ZMYND8: variants seen among roughly 807,000 people sequenced by gnomAD.
ZMYND8 encodes zinc finger MYND-type containing 8.
Under a neutral mutation model 140.8 loss-of-function variants are expected in ZMYND8, and 37 were observed. The ratio of observed to expected loss-of-function variants is 0.26; its 90% CI spans 0.20 to 0.35. The LOEUF (loss-of-function observed/expected upper bound fraction) is 0.35. ZMYND8 is among the 10% of genes least tolerant of loss of function. The pLI is 1.00. For missense variants in ZMYND8, 1,068 were observed against 1,570.0 expected, an observed-to-expected ratio of 0.68 and a Z score of 5.40; for synonymous variants, 592 against 597.1, an observed-to-expected ratio of 0.99 and a Z score of 0.12.
In ZMYND8 at chr20:47,321,362, G is replaced by C. The variant is rs144301745; in HGVS notation, c.86-11158C>G. ...TCTGGCAATGTCTGGGGACATTTTTGGTTGTCACAACTGGGCAGGAAAAGG... is the reference window on the plus strand; with the variant it reads ...TCTGGCAATGTCTGGGGACATTTTTCGTTGTCACAACTGGGCAGGAAAAGG... On this transcript the variant is annotated intron_variant, in intron 2 of 22. Transcript: ENST00000471951. Among the ~76,000 whole-genome samples, 825 of 152,276 alleles carry C rather than the reference G, an allele frequency of 5.4e-3. 19 individuals carry two copies. Among genetic ancestry groups the C allele is most frequent in the Admixed American group, 0.049 (746 of 15,292 alleles).
chr20:47,317,392 C>T (rs1015579628), intron 2 of ZMYND8, among the ~76,000 whole-genome samples: 6 of 152,064 alleles, frequency 3.9e-5, no homozygotes, highest in South Asian at 2.1e-4. Context: ...ATCAGGTACC[C>T]GCCCTCCACC....
intron 19 of ZMYND8, among the ~76,000 whole-genome samples, chr20:47,223,050 A>G (rs2037211996): frequency 6.6e-6 from 1 of 152,182 alleles, no homozygotes; most frequent in Non-Finnish European, 1.5e-5. Context: ...AGCTTCTCAC[A>G]CTTGAGTCAT....
At chr20:47,212,568 GAC>G in intron 22 of ZMYND8, 72 bp downstream of exon 22, 16 of 1,511,826 alleles carry the variant, frequency 1.1e-5, no homozygotes, top group Non-Finnish European at 1.5e-5. Context: ...CACATACACG[GAC>G]ACACACAGAA....
chr20:47,334,921 A>G (rs1434311911), intron 2 of ZMYND8, among the ~76,000 whole-genome samples: 4 of 151,514 alleles, frequency 2.6e-5, no homozygotes, highest in Non-Finnish European at 5.9e-5. Flanking sequence ...CCGTGAAAAT[A>G]TATTAAAAAC....
intron 18 of ZMYND8, among the ~76,000 whole-genome samples, chr20:47,225,020 GGTAA>G (rs2037487591): frequency 6.6e-6 from 1 of 152,088 alleles, no homozygotes; most frequent in African/African-American, 2.4e-5. Flanking sequence ...AATCCTACGG[GGTAA>G]GTACTACTAT....
chr20:47,270,491 GATCC>G (rs1310851806), intron 11 of ZMYND8, among the ~76,000 whole-genome samples: 2 of 151,276 alleles, frequency 1.3e-5, no homozygotes, highest in African/African-American at 4.9e-5. Context: ...GCAAACAGGT[GATCC>G]ATGAACCAAG....
chr20:47,246,538 C>T (rs989279355), intron 13 of ZMYND8, 21 bp from the exon 14 acceptor site: 9 of 1,548,122 alleles, frequency 5.8e-6, no homozygotes, highest in African/African-American at 1.4e-5. Flanking sequence ...AAAGAAAACC[C>T]AGCATGTGGC....
chr20:47,333,246 A>C (rs979796659), intron 2 of ZMYND8, among the ~76,000 whole-genome samples: 1 of 152,094 alleles, frequency 6.6e-6, no homozygotes. Context: ...AGCCAGACAT[A>C]GTGGTACACT....
intron 14 of ZMYND8, among the ~76,000 whole-genome samples, chr20:47,244,490 C>A (rs2040317514): frequency 6.6e-6 from 1 of 152,192 alleles, no homozygotes; most frequent in Non-Finnish European, 1.5e-5. Context: ...TTTTGTTGGG[C>A]TTGTTAACAT....
At chr20:47,299,074 A>T (rs1253791398) in intron 3 of ZMYND8, 127 bp from the exon 4 acceptor site, 1 of 846,182 alleles carries the variant, frequency 1.2e-6, no homozygotes, top group Non-Finnish European at 1.9e-6. Flanking sequence ...TAAAAAGCCA[A>T]ACTATCTTAG....
chr20:47,260,423 T>A (rs1380605512), intron 12 of ZMYND8, among the ~76,000 whole-genome samples: 1 of 152,184 alleles, frequency 6.6e-6, no homozygotes, highest in African/African-American at 2.4e-5. Context: ...CCTCACTCAC[T>A]GGGATGCAGC....
intron 2 of ZMYND8, among the ~76,000 whole-genome samples, chr20:47,339,454 A>G (rs2081651722): frequency 6.6e-6 from 1 of 152,090 alleles, no homozygotes; most frequent in Admixed American, 6.6e-5. Context: ...CATAGCTAAC[A>G]TTTTTGAGCA....
At chr20:47,312,192 C>A (rs2078990764) in intron 2 of ZMYND8, among the ~76,000 whole-genome samples, 1 of 152,194 alleles carries the variant, frequency 6.6e-6, no homozygotes, top group Non-Finnish European at 1.5e-5. Context: ...GTCTCCCTGT[C>A]TGTAGGAGGG....
intron 3 of ZMYND8, 90 bp downstream of exon 3, chr20:47,309,966 A>G (rs1185212680): frequency 6.4e-7 from 1 of 1,556,084 alleles, no homozygotes; most frequent in Middle Eastern, 1.9e-4. Context: ...AAATCCAAGA[A>G]AGCCGGCGCT....
At chr20:47,335,639 G>A (rs1253922854) in intron 2 of ZMYND8, among the ~76,000 whole-genome samples, 8 of 152,122 alleles carry the variant, frequency 5.3e-5, no homozygotes, top group Admixed American at 4.6e-4. Context: ...AGCTTGAAAC[G>A]GTCGATTTTA....
At chr20:47,255,941 C>T (rs1238617986) in intron 12 of ZMYND8, among the ~76,000 whole-genome samples, 4 of 150,302 alleles carry the variant, frequency 2.7e-5, no homozygotes, top group African/African-American at 7.4e-5. Context: ...GGCATGGTGG[C>T]GTATGCCTGT....
At chr20:47,299,540 T>C (rs2077859751) in intron 3 of ZMYND8, among the ~76,000 whole-genome samples, 1 of 152,168 alleles carries the variant, frequency 6.6e-6, no homozygotes, top group East Asian at 1.9e-4. Context: ...ATCAATAGGG[T>C]TTCAGTCACC....
chr20:47,262,759 G>T (rs542409852), intron 11 of ZMYND8, among the ~76,000 whole-genome samples: 5 of 152,158 alleles, frequency 3.3e-5, no homozygotes, highest in Non-Finnish European at 5.9e-5. Flanking sequence ...CATAAATAGC[G>T]ATTAAACCAA....
rs2035014551 is a variant in ZMYND8, at chr20:47,209,815, TATAA to T, written c.*942_*945del. ...TACATAAAAACGTGAAATTCCATCATATAAATAATACGTACATGCTTCATCCCAG... is the reference window on the plus strand; with the variant it reads ...TACATAAAAACGTGAAATTCCATCATATAATACGTACATGCTTCATCCCAG... On this transcript the variant is annotated 3_prime_UTR_variant, in exon 23 of 23. Transcript: ENST00000471951. The T allele has an allele frequency of 2.0e-5, 3 of 152,776 alleles. No individual in the cohort carries two copies. The highest frequency in any genetic ancestry group is 2.1e-4 in the South Asian group (1 of 4,826). The allele number at this position is 152,776 out of a possible 1,614,324, so 9.5% of individuals were successfully genotyped here. A position where few individuals can be genotyped will look rare whatever the true frequency, so the allele number is the denominator to read the frequency against.
Sources: allele counts gnomAD v4.1 joint callset (sites outside exome capture counted in the v4.1 genomes callset), GRCh38; gene constraint gnomAD v4.1.1; transcripts MANE v1.5; gene names NCBI Gene and HGNC (gene_info 2026-07-23, HGNC 2026-07-21).